Variants in TNIP3 observed in about 807,000 individuals in gnomAD.
TNIP3 encodes the protein TNFAIP3 interacting protein 3.
A neutral mutation model predicts 54.1 loss-of-function variants in TNIP3; 34 were observed. The ratio of observed to expected loss-of-function variants is 0.63; its 90% CI spans 0.48 to 0.84. The LOEUF is 0.84. Ranked by LOEUF, TNIP3 falls within the 40% of genes least tolerant of loss-of-function variation. The pLI, the probability that TNIP3 is intolerant of heterozygous loss-of-function variation, is 0.00. For synonymous variants in TNIP3, 134 were observed against 136.8 expected, an observed-to-expected ratio of 0.98 and a Z score of 0.14; for missense variants, 366 against 387.6, an observed-to-expected ratio of 0.94 and a Z score of 0.47.
At chr4:121,166,057 A>T (rs1430915811), upstream of TNIP3, among the ~76,000 whole-genome samples, 1 of 152,174 alleles carries the variant, frequency 6.6e-6, no homozygotes, top group Non-Finnish European at 1.5e-5. Flanking sequence ...GACCTAGAAA[A>T]GTGGGTGGGA....
At chr4:121,167,094 A>G (rs1730808453), upstream of TNIP3, among the ~76,000 whole-genome samples, 1 of 152,136 alleles carries the variant, frequency 6.6e-6, no homozygotes, top group East Asian at 1.9e-4. Context: ...CATCAATCAA[A>G]TTATTTATGA....
intron 6 of TNIP3, among the ~76,000 whole-genome samples, chr4:121,149,323 C>T (rs1729605565): frequency 6.6e-6 from 1 of 152,138 alleles, no homozygotes; most frequent in Admixed American, 6.5e-5. Flanking sequence ...AGCTGAGAAA[C>T]CTGGTTTCAG....
upstream of TNIP3, among the ~76,000 whole-genome samples, chr4:121,220,857 G>C (rs1726998322): frequency 6.6e-6 from 1 of 152,106 alleles, no homozygotes; most frequent in African/African-American, 2.4e-5. Flanking sequence ...TGGCTGAGTA[G>C]GGGATGAAAA....
chr4:121,182,718 G>A, exon 3 of TNIP3: 2 of 1,534,080 alleles, frequency 1.3e-6, no homozygotes, highest in Middle Eastern at 2.3e-4. Context: ...TGGCCTCTGG[G>A]GTGAACCGTT....
At chr4:121,161,449 C>A (rs890167774) in intron 1 of TNIP3, among the ~76,000 whole-genome samples, 3 of 152,010 alleles carry the variant, frequency 2.0e-5, no homozygotes, top group African/African-American at 7.2e-5. Context: ...CAATATAATT[C>A]TTTAATAAAT....
rs777621200 is a variant in TNIP3, at chr4:121,150,103, C to T, written c.609G>A (p.Gln203=). The T allele has an allele frequency of 6.2e-7, 1 of 1,608,288 alleles. No individual in the cohort carries two copies. The highest frequency in any genetic ancestry group is 8.5e-7 in the Non-Finnish European group (1 of 1,175,142). Reference sequence around the variant, plus strand: ...GATCATGCCACTTCCAGCTTCTCACCTGCTGCTTCAGAACTTCCATTTCTG... The same window carrying T: ...GATCATGCCACTTCCAGCTTCTCACTTGCTGCTTCAGAACTTCCATTTCTG... ...MRTEMEVLKQ[Q]VQIYEEDFKK... Residue 203 remains glutamine (Q), a splice_region_variant and synonymous_variant, in exon 6 of 11, where the codon CAG becomes CAA. Transcript: ENST00000057513.
At chr4:121,171,165 G>C (rs928106566) in intron 3 of TNIP3, among the ~76,000 whole-genome samples, 61 of 152,152 alleles carry the variant, frequency 4.0e-4, no homozygotes, top group African/African-American at 1.4e-3. Flanking sequence ...ATAAAAAGAG[G>C]AGAACAGCCC....
chr4:121,211,266 T>G (rs1726462632), intron 2 of TNIP3, among the ~76,000 whole-genome samples: 1 of 152,218 alleles, frequency 6.6e-6, no homozygotes, highest in African/African-American at 2.4e-5. Context: ...TAGAGTCTTA[T>G]GTCAATATAA....
At chr4:121,167,370 C>A (rs1410366679), upstream of TNIP3, among the ~76,000 whole-genome samples, 6 of 152,042 alleles carry the variant, frequency 3.9e-5, no homozygotes, top group Non-Finnish European at 8.8e-5. Context: ...CTCATTATCA[C>A]CTTTAATAGC....
In TNIP3 at chr4:121,161,182, T is replaced by C; in HGVS notation, c.101A>G (p.Asn34Ser). The stretch of plus-strand genomic sequence containing the variant: ...ACACCTTATCTTTTGTTCAAGAGAA[T>C]TCATCAAGTTCTTTCTTGTTGATGG... ...AEPSTRKNLM[N>S]SLEQKIRCLE... Residue 34 changes from asparagine (N) to serine (S), a missense_variant, in exon 2 of 11, where the codon AAT becomes AGT. Physicochemically the swap from Asn to Ser is conservative, Grantham distance 46. Transcript: ENST00000057513. 2 of 1,587,608 alleles carry C rather than the reference T, an allele frequency of 1.3e-6. No individual in the cohort carries two copies. The highest frequency in any genetic ancestry group is 1.7e-6 in the Non-Finnish European group (2 of 1,164,028).
At chr4:121,205,607 G>C (rs546081782) in intron 2 of TNIP3, among the ~76,000 whole-genome samples, 1 of 152,170 alleles carries the variant, frequency 6.6e-6, no homozygotes, top group Non-Finnish European at 1.5e-5. Context: ...AAATTATGCA[G>C]GCTAGGGATG....
chr4:121,179,074 G>T (rs1724533294), intron 3 of TNIP3, among the ~76,000 whole-genome samples: 1 of 152,212 alleles, frequency 6.6e-6, no homozygotes, highest in African/African-American at 2.4e-5. Flanking sequence ...GATAAAAAAG[G>T]CAGTTCATCA....
At chr4:121,145,088 G>C (rs989705987) in intron 7 of TNIP3, among the ~76,000 whole-genome samples, 2 of 152,150 alleles carry the variant, frequency 1.3e-5, no homozygotes, top group East Asian at 3.9e-4. Flanking sequence ...TGGTAAGAAA[G>C]CAACTCAGAA....
intron 2 of TNIP3, among the ~76,000 whole-genome samples, chr4:121,190,663 T>C (rs1302236878): frequency 2.0e-5 from 3 of 152,218 alleles, no homozygotes; most frequent in Admixed American, 2.0e-4. Flanking sequence ...GGAGGTATAC[T>C]GGAGTTCAGA....
intron 3 of TNIP3, among the ~76,000 whole-genome samples, chr4:121,172,607 A>G (rs530040092): frequency 6.6e-6 from 1 of 152,222 alleles, no homozygotes; most frequent in Non-Finnish European, 1.5e-5. Context: ...GTCTCATACA[A>G]TATTCTGCCG....
chr4:121,227,348 A>G (rs1484395437), intron 1 of TNIP3: 37 of 1,530,910 alleles, frequency 2.4e-5, no homozygotes, highest in Middle Eastern at 1.7e-4. Context: ...TAAGTAAGCG[A>G]AATGAAAGTA....
At chr4:121,156,689 C>G (rs10030846) in intron 4 of TNIP3, among the ~76,000 whole-genome samples, 8,635 of 151,976 alleles carry the variant, frequency 0.057, 827 homozygotes, top group African/African-American at 0.19. Context: ...AGCTACTGCA[C>G]AAATACAAGG....
intron 3 of TNIP3, among the ~76,000 whole-genome samples, chr4:121,170,950 G>A (rs777176224): frequency 7.2e-5 from 11 of 152,022 alleles, no homozygotes; most frequent in Non-Finnish European, 1.6e-4. Flanking sequence ...CGAGTAGCTG[G>A]GATTACAGGT....
At chr4:121,180,343 T>C (rs1363493145) in intron 3 of TNIP3, among the ~76,000 whole-genome samples, 3 of 151,812 alleles carry the variant, frequency 2.0e-5, no homozygotes, top group Non-Finnish European at 2.9e-5. Flanking sequence ...CAGCTTGCAG[T>C]GAGCCGAGAT....
Sources: allele counts gnomAD v4.1 joint callset (sites outside exome capture counted in the v4.1 genomes callset), GRCh38; gene constraint gnomAD v4.1.1; transcripts MANE v1.5; gene names NCBI Gene and HGNC (gene_info 2026-07-23, HGNC 2026-07-21).